The following SPOCK1 variants were observed in gnomAD, a reference collection of about 807,000 sequenced individuals.
SPOCK1 encodes testican-1.
SPOCK1 carries 23 observed loss-of-function variants against 55.3 expected under a neutral mutation model. The observed-to-expected ratio is 0.42, with a 90% confidence interval of 0.30 to 0.59. The LOEUF (loss-of-function observed/expected upper bound fraction) is 0.59, where lower values mean the gene tolerates loss of function less well. Ranked by LOEUF, SPOCK1 falls within the 20% of genes least tolerant of loss-of-function variation. SPOCK1 has a pLI of 0.22. For synonymous variants in SPOCK1, 226 were observed against 221.0 expected, an observed-to-expected ratio of 1.02 and a Z score of -0.20; for missense variants, 499 against 552.5, an observed-to-expected ratio of 0.90 and a Z score of 0.97.
At chr5:137,346,294 CACAGA>C (rs576857597) in intron 2 of SPOCK1, among the ~76,000 whole-genome samples, 50 of 152,300 alleles carry the variant, frequency 3.3e-4, no homozygotes, top group African/African-American at 1.1e-3. Flanking sequence ...AAGCTGGGGT[CACAGA>C]ACAGGAGTTT....
At chr5:137,040,962 T>C (rs1053662784) in intron 6 of SPOCK1, among the ~76,000 whole-genome samples, 2 of 152,206 alleles carry the variant, frequency 1.3e-5, no homozygotes, top group African/African-American at 4.8e-5. Flanking sequence ...GCCCAGACAA[T>C]GTACATGTAT....
In SPOCK1 at chr5:137,132,117, G is replaced by A. The variant is rs1746842771; in HGVS notation, c.347+8463C>T. On this transcript the variant is annotated intron_variant, in intron 4 of 10. Coordinates refer to ENST00000394945, the MANE Select transcript of SPOCK1 (RefSeq NM_004598.4). ...GTGAACCAGGGAGGTGGAGCTCGCA[G>A]TGAGCAGATATAGTGCCACTGCACT... 2.2e-5 allele frequency among the ~76,000 whole-genome samples: 3 copies of A among 137,662 alleles called. No homozygotes were observed. In the South Asian group the frequency reaches 7.0e-4, roughly 32 times the overall value. 90.3% of individuals were successfully genotyped at this position (137,662 alleles called of 152,430 possible).
intron 2 of SPOCK1, among the ~76,000 whole-genome samples, chr5:137,310,166 A>G (rs1757764501): frequency 6.6e-6 from 1 of 152,226 alleles, no homozygotes; most frequent in Non-Finnish European, 1.5e-5. Flanking sequence ...TGGAAAAGAC[A>G]TTACCTTCTT....
intron 3 of SPOCK1, among the ~76,000 whole-genome samples, chr5:137,170,239 T>C (rs957784125): frequency 6.6e-6 from 1 of 152,212 alleles, no homozygotes. Flanking sequence ...ATTTTAACCA[T>C]TGTACTTTTA....
intron 2 of SPOCK1, among the ~76,000 whole-genome samples, chr5:137,497,671 G>A (rs10060914): frequency 0.39 from 58,599 of 152,028 alleles, 11,364 homozygotes; most frequent in East Asian, 0.46. Flanking sequence ...GTGTCCGGGA[G>A]TAACTTTCTC....
chr5:137,174,294 C>A (rs994752244), intron 3 of SPOCK1, among the ~76,000 whole-genome samples: 3 of 152,226 alleles, frequency 2.0e-5, no homozygotes, highest in African/African-American at 7.2e-5. Context: ...TAGCTGAAAT[C>A]ATTCCTTTCC....
At chr5:137,230,898 C>CA (rs1309400767) in intron 3 of SPOCK1, among the ~76,000 whole-genome samples, 249 of 152,128 alleles carry the variant, frequency 1.6e-3, no homozygotes, top group African/African-American at 2.1e-3. Context: ...TCTTACAAAA[C>CA]TAAGTATAAC....
intron 2 of SPOCK1, among the ~76,000 whole-genome samples, chr5:137,338,196 G>A (rs942215069): frequency 6.5e-5 from 8 of 122,500 alleles, no homozygotes; most frequent in East Asian, 5.7e-4. Context: ...AGTCCCCAGC[G>A]TGTGATGTTC....
chr5:136,981,285 ACTT>A (rs1750725572), intron 9 of SPOCK1, among the ~76,000 whole-genome samples: 1 of 152,128 alleles, frequency 6.6e-6, no homozygotes, highest in African/African-American at 2.4e-5. Flanking sequence ...GAGCCTTTTT[ACTT>A]CTTCATATTG....
intron 3 of SPOCK1, among the ~76,000 whole-genome samples, chr5:137,151,460 GAA>G (rs1754317819): frequency 6.6e-6 from 1 of 152,192 alleles, no homozygotes; most frequent in Non-Finnish European, 1.5e-5. Flanking sequence ...CTCTTTGGTA[GAA>G]AAGTTTGAGC....
At chr5:137,044,317 G>C (rs1336276791) in intron 6 of SPOCK1, among the ~76,000 whole-genome samples, 2 of 152,150 alleles carry the variant, frequency 1.3e-5, no homozygotes, top group African/African-American at 4.8e-5. Flanking sequence ...CCATAGCAGG[G>C]ACTTCTTAGC....
chr5:137,043,136 G>C (rs1352657890), intron 6 of SPOCK1, among the ~76,000 whole-genome samples: 3 of 152,160 alleles, frequency 2.0e-5, no homozygotes, highest in African/African-American at 4.8e-5. Context: ...ATACACCACA[G>C]TGGGGGTATG....
intron 2 of SPOCK1, among the ~76,000 whole-genome samples, chr5:137,344,824 TA>T (rs150867026): frequency 0.037 from 5,632 of 152,290 alleles, 123 homozygotes; most frequent in Middle Eastern, 0.051. Context: ...TGCCATTTTT[TA>T]AAAAAACAAA....
intron 3 of SPOCK1, among the ~76,000 whole-genome samples, chr5:137,240,937 A>C (rs909755653): frequency 3.9e-5 from 6 of 152,338 alleles, no homozygotes; most frequent in African/African-American, 1.2e-4. Flanking sequence ...CTTCAGTGTA[A>C]GTGAAGATGG....
At chr5:137,462,616 G>A (rs1193890886) in intron 2 of SPOCK1, among the ~76,000 whole-genome samples, 3 of 152,194 alleles carry the variant, frequency 2.0e-5, no homozygotes, top group Non-Finnish European at 1.5e-5. Flanking sequence ...GATTATAGTG[G>A]TATTGATGAC....
chr5:137,119,414 G>C (rs1283217871), intron 4 of SPOCK1, among the ~76,000 whole-genome samples: 1 of 152,182 alleles, frequency 6.6e-6, no homozygotes, highest in Non-Finnish European at 1.5e-5. Flanking sequence ...TAATTCCTCT[G>C]TTGTTAGGGT....
intron 4 of SPOCK1, among the ~76,000 whole-genome samples, chr5:137,125,981 G>T (rs1753775640): frequency 6.6e-6 from 1 of 152,150 alleles, no homozygotes; most frequent in Non-Finnish European, 1.5e-5. Context: ...ACACAATATT[G>T]GTAGAAATTG....
chr5:137,044,326 G>C (rs1216737866), intron 6 of SPOCK1, among the ~76,000 whole-genome samples: 1 of 152,150 alleles, frequency 6.6e-6, no homozygotes, highest in Non-Finnish European at 1.5e-5. Context: ...GGACTTCTTA[G>C]CAAAGTATTA....
intron 3 of SPOCK1, among the ~76,000 whole-genome samples, chr5:137,238,854 C>T (rs1756232095): frequency 6.6e-6 from 1 of 152,100 alleles, no homozygotes; most frequent in Non-Finnish European, 1.5e-5. Flanking sequence ...TGATCTTAGC[C>T]AAAAGGCTAA....
Sources: gnomAD v4.1 joint callset for allele counts (sites outside exome capture counted in the v4.1 genomes callset) on GRCh38, gnomAD v4.1.1 for gene constraint, MANE v1.5 for transcripts, NCBI Gene and HGNC (gene_info 2026-07-23, HGNC 2026-07-21) for gene names.